The following SERGEF variants were observed in gnomAD, a reference collection of about 807,000 sequenced individuals.
SERGEF encodes secretion regulating guanine nucleotide exchange factor.
A neutral mutation model predicts 50.0 loss-of-function variants in SERGEF; 51 were observed. The observed-to-expected ratio is 1.02, with a 90% confidence interval of 0.81 to 1.29. SERGEF has a LOEUF of 1.29. Ranked by LOEUF, SERGEF falls within the 50% of genes most tolerant of loss-of-function variation. The probability of loss-of-function intolerance (pLI) is 0.00; values close to 1 mark genes in which losing one functional copy is unlikely to be tolerated. For synonymous variants in SERGEF, 205 were observed against 212.4 expected (o/e 0.97, Z 0.30); for missense variants, 521 against 557.0 (o/e 0.94, Z 0.65).
Position 17,851,832 on chromosome 11 carries a change from C to T in SERGEF, c.1048+26376G>A, listed in dbSNP as rs148512702. ...AGATATGACTGAAATGGCAGGAGTA[C>T]GTGCCTTCAGAGAAGCTGGACAACC... is the stretch of plus-strand genomic sequence containing the variant. On this transcript the variant is annotated intron_variant, in intron 10 of 10. Transcript: ENST00000265965. Among the ~76,000 whole-genome samples the T allele has an allele frequency of 8.5e-4, 130 of 152,240 alleles. 2 individuals are homozygous for T. Among genetic ancestry groups the T allele is most frequent in the African/African-American group, 3.0e-3 (123 of 41,532 alleles).
chr11:17,995,999 C>T lies in SERGEF; in HGVS notation c.509-90G>A, dbSNP rs1001151891. On this transcript the variant is annotated intron_variant, in intron 5 of 10. Transcript: ENST00000265965. Reference sequence around the variant, plus strand: ...TGAACCTCACTGCTATGAGAAATTCCCAATTCTTTCTCAGTTAATATGAGT... The same window carrying T: ...TGAACCTCACTGCTATGAGAAATTCTCAATTCTTTCTCAGTTAATATGAGT... The T allele has an allele frequency of 7.4e-5, 65 of 874,468 alleles. No homozygotes were observed. In the East Asian group the frequency reaches 1.7e-3, roughly 23 times the overall value. The allele number at this position is 874,468 out of a possible 1,614,324, so 54.2% of individuals were successfully genotyped here.
At chr11:17,932,014 G>A (rs1369787092) in intron 9 of SERGEF, among the ~76,000 whole-genome samples, 5 of 151,752 alleles carry the variant, frequency 3.3e-5, no homozygotes, top group African/African-American at 9.7e-5. Context: ...ATAAAACTGG[G>A]TAAGAACAGG....
At chr11:17,859,702 C>T (rs1007999117) in intron 10 of SERGEF, among the ~76,000 whole-genome samples, 5 of 151,646 alleles carry the variant, frequency 3.3e-5, no homozygotes, top group South Asian at 2.1e-4. Context: ...AAAATGGCAA[C>T]GTACAAAGAA....
chr11:17,994,149 A>G (rs1016064571), intron 6 of SERGEF, among the ~76,000 whole-genome samples: 9 of 152,146 alleles, frequency 5.9e-5, no homozygotes, highest in African/African-American at 1.9e-4. Flanking sequence ...TGTGCTATCC[A>G]TGCATGTGAA....
intron 6 of SERGEF, among the ~76,000 whole-genome samples, chr11:17,994,290 C>A (rs750223311): frequency 6.6e-6 from 1 of 151,764 alleles, no homozygotes; most frequent in African/African-American, 2.4e-5. Flanking sequence ...CTGGTTAACA[C>A]GGTGAAAACC....
intron 10 of SERGEF, among the ~76,000 whole-genome samples, chr11:17,858,333 A>G (rs1850863057): frequency 6.6e-6 from 1 of 152,224 alleles, no homozygotes; most frequent in African/African-American, 2.4e-5. Context: ...AGTGAGGATC[A>G]GAATGAAACA....
intron 10 of SERGEF, among the ~76,000 whole-genome samples, chr11:17,815,436 T>TAA (rs763972184): frequency 0.51 from 54,797 of 107,658 alleles, 13,407 homozygotes; most frequent in East Asian, 0.84. Context: ...CCATCTCTAC[T>TAA]AAAAAAAAAA....
At chr11:18,005,324 C>T (rs1854051216) in intron 3 of SERGEF, among the ~76,000 whole-genome samples, 1 of 152,174 alleles carries the variant, frequency 6.6e-6, no homozygotes, top group South Asian at 2.1e-4. Flanking sequence ...AACCCCTCCA[C>T]AGAGGAGGAT....
chr11:17,847,708 G>T (rs181145186), intron 10 of SERGEF, among the ~76,000 whole-genome samples: 1 of 152,250 alleles, frequency 6.6e-6, no homozygotes. Context: ...CAAAGAATTA[G>T]GAAGATTTTA....
chr11:17,928,191 T>C lies in SERGEF; in HGVS notation c.1011+31279A>G, dbSNP rs1852285804. Among the ~76,000 whole-genome samples the C allele has an allele frequency of 3.3e-5, 5 of 152,162 alleles. No individual in the cohort carries two copies. In the South Asian group the frequency reaches 1.0e-3, roughly 32 times the overall value. ...AGAAGCTCTAAAATCAGCAAGGAGG[T>C]CACCTCTGTAACCACAGCATTTCTC... On this transcript the variant is annotated intron_variant, in intron 9 of 10. Transcript: ENST00000265965.
intron 3 of SERGEF, among the ~76,000 whole-genome samples, chr11:18,005,776 T>C (rs1463660949): frequency 6.6e-6 from 1 of 151,974 alleles, no homozygotes; most frequent in Non-Finnish European, 1.5e-5. Flanking sequence ...CTAATAACCC[T>C]CTGGCCATAT....
chr11:17,947,973 G>C (rs1852698157), intron 9 of SERGEF, among the ~76,000 whole-genome samples: 1 of 136,186 alleles, frequency 7.3e-6, no homozygotes, highest in African/African-American at 2.8e-5. Context: ...TTTTTTCTGA[G>C]ACGGAGTCTT....
chr11:18,000,403 C>T (rs549192609), intron 5 of SERGEF, 94 bp downstream of exon 5: 7 of 795,252 alleles, frequency 8.8e-6, no homozygotes, highest in African/African-American at 5.4e-5. Context: ...AAGCTATGAT[C>T]GAGCCACTGC....
intron 10 of SERGEF, among the ~76,000 whole-genome samples, chr11:17,860,357 G>A (rs1850904446): frequency 6.6e-6 from 1 of 152,108 alleles, no homozygotes; most frequent in South Asian, 2.1e-4. Context: ...CATAATAATA[G>A]ACTAATGACT....
chr11:17,871,532 C>A (rs549686), intron 10 of SERGEF, among the ~76,000 whole-genome samples: 88,276 of 150,258 alleles, frequency 0.59, 26,243 homozygotes, highest in East Asian at 0.85. Flanking sequence ...TATTCAACAA[C>A]GGACTGGAAT....
At chr11:17,891,440 C>T (rs1851530721) in intron 9 of SERGEF, among the ~76,000 whole-genome samples, 1 of 152,196 alleles carries the variant, frequency 6.6e-6, no homozygotes, top group South Asian at 2.1e-4. Context: ...ATTTGGAGAG[C>T]TGTGGTCAGT....
At chr11:17,849,860 T>C (rs562870971) in intron 10 of SERGEF, among the ~76,000 whole-genome samples, 2 of 152,338 alleles carry the variant, frequency 1.3e-5, no homozygotes, top group South Asian at 4.1e-4. Context: ...AATCTATGTT[T>C]TTTTCTGCTT....
chr11:18,000,460 A>G, intron 5 of SERGEF, 37 bp downstream of exon 5: 1 of 1,419,260 alleles, frequency 7.0e-7, no homozygotes, highest in Non-Finnish European at 9.6e-7. Flanking sequence ...AAAAAGTATT[A>G]AAAATAAAAA....
chr11:17,863,974 C>T (rs1850975628), intron 10 of SERGEF, among the ~76,000 whole-genome samples: 2 of 152,232 alleles, frequency 1.3e-5, no homozygotes, highest in South Asian at 4.1e-4. Context: ...CCAGCTCCCA[C>T]ATTTCCCAGA....
Sources: gnomAD v4.1 joint callset for allele counts (sites outside exome capture counted in the v4.1 genomes callset) on GRCh38, gnomAD v4.1.1 for gene constraint, MANE v1.5 for transcripts, NCBI Gene and HGNC (gene_info 2026-07-23, HGNC 2026-07-21) for gene names.